The following NUBP1 variants were observed in gnomAD, a reference collection of about 807,000 sequenced individuals.
The protein encoded by NUBP1 is NUBP iron-sulfur cluster assembly factor 1, cytosolic, also known as cytosolic Fe-S cluster assembly factor NUBP1.
NUBP1 carries 46 observed loss-of-function variants against 41.8 expected under a neutral mutation model. That is an observed-to-expected ratio of 1.10 (90% CI 0.87 to 1.41). NUBP1 has a LOEUF of 1.41. NUBP1 is among the 40% of genes most tolerant of loss of function. The pLI is 0.00. For synonymous variants in NUBP1, 189 were observed against 154.6 expected, an observed-to-expected ratio of 1.22 and a Z score of -1.65; for missense variants, 494 against 414.0, an observed-to-expected ratio of 1.19 and a Z score of -1.68.
intron 9 of NUBP1, among the ~76,000 whole-genome samples, chr16:10,762,576 G>C (rs915526777): frequency 1.3e-5 from 2 of 152,230 alleles, no homozygotes; most frequent in African/African-American, 2.4e-5. Flanking sequence ...CGTTACTGGG[G>C]CCCTTTAGTG....
chr16:10,750,541 C>A (rs886295510), intron 3 of NUBP1, among the ~76,000 whole-genome samples: 12 of 152,248 alleles, frequency 7.9e-5, no homozygotes, highest in Admixed American at 1.3e-4. Context: ...CACACCCAGC[C>A]ACCATAAATT....
intron 2 of NUBP1, among the ~76,000 whole-genome samples, chr16:10,744,635 G>A (rs2142648270): frequency 6.6e-6 from 1 of 152,328 alleles, no homozygotes; most frequent in Non-Finnish European, 1.5e-5. Context: ...ACGTGAGCTA[G>A]CAACTAAACC....
chr16:10,768,152 C>A lies in NUBP1; in HGVS notation c.904+120C>A. On this transcript the variant is annotated intron_variant, in intron 10 of 10. Transcript: ENST00000283027. This position sits in a 1 kb window ranked among gnomAD's most constrained non-coding sequence, Gnocchi z 4.3. Reference sequence around the variant, plus strand: ...TCTGTGATGACCACAGAGTGGCCCCCATAGCCGAGGAAGCCAGGAGTCCAT... The same window carrying A: ...TCTGTGATGACCACAGAGTGGCCCCAATAGCCGAGGAAGCCAGGAGTCCAT... 2.5e-6 allele frequency: 2 copies of A among 813,240 alleles called. No individual in the cohort carries two copies. The highest frequency in any genetic ancestry group is 4.0e-6 in the Non-Finnish European group (2 of 499,512). The allele number at this position is 813,240 out of a possible 1,614,324, so 50.4% of individuals were successfully genotyped here.
chr16:10,755,131 T>C (rs1291224544), intron 4 of NUBP1, among the ~76,000 whole-genome samples: 1 of 152,224 alleles, frequency 6.6e-6, no homozygotes. Context: ...GTGAGTCATA[T>C]TGTCTATGAA....
At position 10,768,922 on chromosome 16, in the gene NUBP1, G is replaced by A; in HGVS notation, c.905-125G>A. On this transcript the variant is annotated intron_variant, in intron 10 of 10. Transcript: ENST00000283027. The surrounding 1 kb of genome is among the most constrained non-coding windows in gnomAD (Gnocchi z 4.3). ...AAGACTCAGGGCATCACAGACACAG[G>A]TCTTTTTATGGAACTAGCCAGAGGA... The A allele has an allele frequency of 5.1e-6, 4 of 777,730 alleles. No homozygotes were observed. The highest frequency in any genetic ancestry group is 6.5e-6 in the Non-Finnish European group (3 of 458,026). The allele number at this position is 777,730 out of a possible 1,614,324, so 48.2% of individuals were successfully genotyped here. A position where few individuals can be genotyped will look rare whatever the true frequency, so the allele number is the denominator to read the frequency against.
rs934016473 is a variant in NUBP1 at position 10,765,326 on chromosome 16, T to C, written c.821-2623T>C. ...GTAACACAGGAAGATACCTCATCTC[T>C]TAAAAAAAAAAAAAAAAAAAAAAGG... On this transcript the variant is annotated intron_variant, in intron 9 of 10. Transcript: ENST00000283027. This position sits in a 1 kb window ranked among gnomAD's most constrained non-coding sequence, Gnocchi z 4.0. Among the ~76,000 whole-genome samples, 10 of 102,362 alleles carry C rather than the reference T, an allele frequency of 9.8e-5. No individual in the cohort carries two copies. The highest frequency in any genetic ancestry group is 1.2e-4 in the Non-Finnish European group (6 of 48,962). The allele number at this position is 102,362 out of a possible 152,430, so 67.2% of individuals were successfully genotyped here. A position where few individuals can be genotyped will look rare whatever the true frequency, so the allele number is the denominator to read the frequency against.
intron 9 of NUBP1, among the ~76,000 whole-genome samples, chr16:10,763,356 G>A (rs561994388): frequency 6.6e-6 from 1 of 152,204 alleles, no homozygotes; most frequent in East Asian, 1.9e-4. Flanking sequence ...GTGGTAGGGG[G>A]GTAGGGTGCG....
chr16:10,745,649 G>A (rs929306744), intron 2 of NUBP1, among the ~76,000 whole-genome samples: 3 of 152,162 alleles, frequency 2.0e-5, no homozygotes. Flanking sequence ...TCATTAAAAG[G>A]GGAAAAAGCA....
Position 10,747,142 on chromosome 16 carries a change from G to A in NUBP1, c.125-1G>A, listed in dbSNP as rs778302551. 9 of 1,613,858 alleles carry A rather than the reference G, an allele frequency of 5.6e-6. No homozygotes were observed. Among genetic ancestry groups the A allele is most frequent in the Non-Finnish European group, 7.6e-6 (9 of 1,179,926 alleles). ...CCCCTGAACTTTGGTTTTCTTTGCA[G>A]CTATAGAGGAAATCAAAGAGAAAAT... On this transcript the variant is annotated splice_acceptor_variant, in intron 2 of 10. Transcript: ENST00000283027. LOFTEE classifies it high-confidence loss of function.
chr16:10,759,341 C>T lies in NUBP1; in HGVS notation c.606+1314C>T, dbSNP rs1456812174. Among the ~76,000 whole-genome samples, 1 of 152,194 alleles carries T rather than the reference C, an allele frequency of 6.6e-6. No homozygotes were observed. Among genetic ancestry groups the T allele is most frequent in the African/African-American group, 2.4e-5 (1 of 41,444 alleles). ...GATTCATGTCCACCCTGGCATCCTG[C>T]AGAGAGGGGACATGGGGACGCAAGG... On this transcript the variant is annotated intron_variant, in intron 7 of 10. Transcript: ENST00000283027. The surrounding 1 kb of genome is among the most constrained non-coding windows in gnomAD (Gnocchi z 4.7).
chr16:10,761,326 C>G, intron 7 of NUBP1, 38 bp from the exon 8 acceptor site: 1 of 1,592,880 alleles, frequency 6.3e-7, no homozygotes, highest in Non-Finnish European at 8.6e-7. Context: ...CTTTCTCGCA[C>G]TTTGATGCTG....
chr16:10,748,883 A>C (rs570004128), intron 3 of NUBP1, among the ~76,000 whole-genome samples: 4 of 152,160 alleles, frequency 2.6e-5, no homozygotes, highest in African/African-American at 9.6e-5. Flanking sequence ...TGAGGTCAGG[A>C]GTTTGAGACC....
intron 2 of NUBP1, among the ~76,000 whole-genome samples, chr16:10,746,502 A>G (rs1360952462): frequency 6.6e-6 from 1 of 152,192 alleles, no homozygotes; most frequent in African/African-American, 2.4e-5. Flanking sequence ...ACACTTTGGG[A>G]GGCCAAGGTG....
At chr16:10,753,155 TAAC>T (rs1900400635) in intron 4 of NUBP1, among the ~76,000 whole-genome samples, 4 of 152,188 alleles carry the variant, frequency 2.6e-5, no homozygotes, top group South Asian at 2.1e-4. Flanking sequence ...TGTCTACTTT[TAAC>T]AACAACTGTG....
intron 3 of NUBP1, among the ~76,000 whole-genome samples, chr16:10,750,881 C>T (rs758345380): frequency 7.2e-5 from 11 of 152,216 alleles, no homozygotes; most frequent in Non-Finnish European, 1.5e-4. Context: ...GCAGCAAACG[C>T]GGCCTCTTCC....
chr16:10,749,781 G>A lies in NUBP1; in HGVS notation c.258+2505G>A, dbSNP rs1243667633. ...CTGTGCAAGACCATTCCATGTTAGC[G>A]CTTGAGGCAGGCAGGCGCCTGTCAT... On this transcript the variant is annotated intron_variant, in intron 3 of 10. Coordinates refer to ENST00000283027, the MANE Select transcript of NUBP1 (RefSeq NM_002484.4). The surrounding 1 kb of genome is among the most constrained non-coding windows in gnomAD (Gnocchi z 4.1). Among the ~76,000 whole-genome samples the A allele has an allele frequency of 2.6e-5, 4 of 152,192 alleles. No homozygotes were observed. The highest frequency in any genetic ancestry group is 3.8e-4 in the East Asian group (2 of 5,206).
In NUBP1 at chr16:10,766,583, G is replaced by A. The variant is rs1022704925; in HGVS notation, c.821-1366G>A. On this transcript the variant is annotated intron_variant, in intron 9 of 10. Transcript: ENST00000283027. The surrounding 1 kb of genome is among the most constrained non-coding windows in gnomAD (Gnocchi z 4.8). ...ACGTGCACTCAGGGGCCTCCCTAGC[G>A]AGTTCCACATGGTCTCATGGGCCCA... 6.4e-5 allele frequency: 11 copies of A among 171,134 alleles called. No individual in the cohort carries two copies. Among genetic ancestry groups the A allele is most frequent in the Admixed American group, 1.3e-4 (2 of 15,794 alleles). The allele number at this position is 171,134 out of a possible 1,614,324, so 10.6% of individuals were successfully genotyped here.
In NUBP1 at chr16:10,768,044, C is replaced by T. The variant is rs756175219; in HGVS notation, c.904+12C>T. 2 of 1,612,630 alleles carry T rather than the reference C, an allele frequency of 1.2e-6. No individual in the cohort carries two copies. The highest frequency in any genetic ancestry group is 1.7e-6 in the Non-Finnish European group (2 of 1,178,836). On this transcript the variant is annotated intron_variant, in intron 10 of 10. Coordinates refer to ENST00000283027, the MANE Select transcript of NUBP1 (RefSeq NM_002484.4). The surrounding 1 kb of genome is among the most constrained non-coding windows in gnomAD (Gnocchi z 4.3). ...AAGTATAATTCAGAGTAAGTATTTCCATGAGTACTAAATGCAGATGCCTGT... is the reference window on the plus strand; with the variant it reads ...AAGTATAATTCAGAGTAAGTATTTCTATGAGTACTAAATGCAGATGCCTGT...
In NUBP1 at chr16:10,743,873, G is replaced by C. The variant is rs1183376612; in HGVS notation, c.10G>C (p.Val4Leu). ...CGGCAAAGGCGACGGAATGGAGGAG[G>C]TGCCTCACGGTAAGCTCGCGGAGGG... The part of the protein sequence containing the change: MEE[V>L]PHDCPGADSA... The change falls in exon 1 of 11, where the codon GTG becomes CTG. Residue 4 changes from valine (V) to leucine (L), a missense_variant. Transcript: ENST00000283027. 1 of 1,565,946 alleles carries C rather than the reference G, an allele frequency of 6.4e-7. No homozygotes were observed. The highest frequency in any genetic ancestry group is 8.6e-7 in the Non-Finnish European group (1 of 1,156,548).
Sources: gnomAD v4.1 joint callset for allele counts (sites outside exome capture counted in the v4.1 genomes callset) on GRCh38, gnomAD v4.1.1 for gene constraint, Gnocchi (gnomAD v3.1) non-coding constraint, MANE v1.5 for transcripts, NCBI Gene and HGNC (gene_info 2026-07-23, HGNC 2026-07-21) for gene names.